HS2ST1: variants seen among roughly 807,000 people sequenced by gnomAD.
HS2ST1 encodes heparan sulfate 2-O-sulfotransferase 1.
Under a neutral mutation model 42.9 loss-of-function variants are expected in HS2ST1, and 18 were observed. The observed-to-expected ratio is 0.42, with a 90% CI of 0.29 to 0.62. The LOEUF is 0.62. HS2ST1 is among the 20% of genes least tolerant of loss of function. The pLI, the probability that HS2ST1 is intolerant of heterozygous loss-of-function variation, is 0.21. For synonymous variants in HS2ST1, 146 were observed against 152.9 expected, an observed-to-expected ratio of 0.95 and a Z score of 0.33; for missense variants, 334 against 433.8, an observed-to-expected ratio of 0.77 and a Z score of 2.04.
intron 1 of HS2ST1, among the ~76,000 whole-genome samples, chr1:86,964,114 A>G (rs1335876984): frequency 7.2e-6 from 1 of 138,202 alleles, no homozygotes; most frequent in Non-Finnish European, 1.5e-5. Context: ...ATCTCAGACG[A>G]TGGGCAGCCG....
chr1:87,074,680 G>T (rs978950858), intron 2 of HS2ST1, among the ~76,000 whole-genome samples: 1 of 151,688 alleles, frequency 6.6e-6, no homozygotes, highest in Non-Finnish European at 1.5e-5. Flanking sequence ...TAACTTGTTG[G>T]TTATGTATAG....
chr1:86,989,970 A>T (rs1648894947), intron 1 of HS2ST1, among the ~76,000 whole-genome samples: 1 of 151,876 alleles, frequency 6.6e-6, no homozygotes. Context: ...TCTGTCGTTG[A>T]TGGGCATTTG....
chr1:86,955,107 A>T (rs1262303982), intron 1 of HS2ST1, among the ~76,000 whole-genome samples: 5 of 152,240 alleles, frequency 3.3e-5, no homozygotes, highest in Admixed American at 1.3e-4. Flanking sequence ...TTAAGTGTAC[A>T]GCTTGATAAA....
At chr1:87,009,570 G>T (rs1008811101) in intron 1 of HS2ST1, among the ~76,000 whole-genome samples, 1 of 152,130 alleles carries the variant, frequency 6.6e-6, no homozygotes, top group African/African-American at 2.4e-5. Flanking sequence ...TGGTTTATTA[G>T]TCAGCTTTTG....
chr1:87,010,931 G>A (rs1007256228), intron 1 of HS2ST1, among the ~76,000 whole-genome samples: 2 of 151,868 alleles, frequency 1.3e-5, no homozygotes, highest in African/African-American at 4.8e-5. Context: ...GACTACAGGT[G>A]TGTGCTGCCA....
intron 1 of HS2ST1, among the ~76,000 whole-genome samples, chr1:86,980,699 GT>G (rs1362225465): frequency 2.6e-5 from 4 of 152,052 alleles, no homozygotes; most frequent in Non-Finnish European, 5.9e-5. Context: ...TAAATCCAAG[GT>G]TTTTTATGAT....
intron 1 of HS2ST1, among the ~76,000 whole-genome samples, chr1:87,035,015 TAGTC>T (rs998468165): frequency 1.1e-4 from 16 of 152,148 alleles, no homozygotes; most frequent in African/African-American, 3.9e-4. Context: ...GCAGGAGTCT[TAGTC>T]AGTGAGAGAG....
chr1:87,072,355 T>C (rs2100634112), intron 1 of HS2ST1, among the ~76,000 whole-genome samples: 1 of 152,324 alleles, frequency 6.6e-6, no homozygotes, highest in African/African-American at 2.4e-5. Flanking sequence ...TTATAATCAC[T>C]TTATAATCAC....
chr1:86,970,768 G>A (rs963295589), intron 1 of HS2ST1, among the ~76,000 whole-genome samples: 5 of 151,470 alleles, frequency 3.3e-5, no homozygotes, highest in Non-Finnish European at 5.9e-5. Context: ...GTTCACACAT[G>A]GCCTTTGTTT....
intron 1 of HS2ST1, among the ~76,000 whole-genome samples, chr1:87,001,092 T>C (rs1649269185): frequency 6.6e-6 from 1 of 152,164 alleles, no homozygotes; most frequent in Non-Finnish European, 1.5e-5. Context: ...CTTTGAGAAA[T>C]AGGAAAAATA....
At chr1:87,009,991 C>T (rs1354429135) in intron 1 of HS2ST1, among the ~76,000 whole-genome samples, 1 of 151,632 alleles carries the variant, frequency 6.6e-6, no homozygotes, top group Non-Finnish European at 1.5e-5. Flanking sequence ...GCCAAGATCA[C>T]GCCACTGCAC....
At position 86,954,052 on chromosome 1, in the gene HS2ST1, A is replaced by ATT. The variant is rs1273649474; in HGVS notation, c.124+38892_124+38893insTT. Among the ~76,000 whole-genome samples the ATT allele has an allele frequency of 2.7e-5, 4 of 148,150 alleles. 1 individual carries two copies. The highest frequency in any genetic ancestry group is 9.9e-5 in the African/African-American group (4 of 40,600). ...TCACTGTTTTTTTTAAAAAAAAAAA[A>ATT]AAAAAAAAAAAAAAAAAGGCCGGGC... On this transcript the variant is annotated intron_variant, in intron 1 of 6. Coordinates refer to ENST00000370550, the MANE Select transcript of HS2ST1 (RefSeq NM_012262.4).
intron 1 of HS2ST1, among the ~76,000 whole-genome samples, chr1:86,973,146 T>A (rs1648286350): frequency 6.6e-6 from 1 of 152,142 alleles, no homozygotes; most frequent in Non-Finnish European, 1.5e-5. Context: ...GGGAGACACT[T>A]TGAGACTATG....
At chr1:87,102,099 C>T (rs1370019428) in intron 5 of HS2ST1, among the ~76,000 whole-genome samples, 1 of 151,940 alleles carries the variant, frequency 6.6e-6, no homozygotes, top group Non-Finnish European at 1.5e-5. Context: ...CTCTTGTCGC[C>T]CAGGCTGGAG....
intron 1 of HS2ST1, among the ~76,000 whole-genome samples, chr1:87,006,453 T>C (rs1410420037): frequency 6.6e-6 from 1 of 152,148 alleles, no homozygotes; most frequent in Non-Finnish European, 1.5e-5. Flanking sequence ...TTGGTTTGCA[T>C]ATATAGGCAA....
At chr1:86,915,190 G>T (rs1470934722) in intron 1 of HS2ST1, 30 bp downstream of exon 1, 3 of 1,598,032 alleles carry the variant, frequency 1.9e-6, no homozygotes, top group Non-Finnish European at 2.6e-6. Flanking sequence ...CGGGCTGAGT[G>T]CTGTGGAAGG....
At chr1:86,924,954 G>A (rs1660384380) in intron 1 of HS2ST1, among the ~76,000 whole-genome samples, 1 of 152,138 alleles carries the variant, frequency 6.6e-6, no homozygotes, top group Admixed American at 6.5e-5. Context: ...CTATTGCATT[G>A]TCAGTCTTAA....
chr1:86,917,090 G>T (rs1464728904), intron 1 of HS2ST1, among the ~76,000 whole-genome samples: 1 of 152,138 alleles, frequency 6.6e-6, no homozygotes, highest in Non-Finnish European at 1.5e-5. Flanking sequence ...ATCCTCCTGG[G>T]ACTACAGATG....
chr1:86,968,963 T>G (rs1648150042), intron 1 of HS2ST1, among the ~76,000 whole-genome samples: 2 of 152,174 alleles, frequency 1.3e-5, no homozygotes, highest in South Asian at 4.1e-4. Flanking sequence ...TTGTTTTTCT[T>G]TGCTGAAAGA....
Sources: allele counts gnomAD v4.1 joint callset (sites outside exome capture counted in the v4.1 genomes callset), GRCh38; gene constraint gnomAD v4.1.1; transcripts MANE v1.5; gene names NCBI Gene and HGNC (gene_info 2026-07-23, HGNC 2026-07-21).